The following NRIP1 variants were observed in gnomAD, a reference collection of about 807,000 sequenced individuals.
NRIP1 encodes nuclear receptor-interacting protein 1.
A neutral mutation model predicts 75.0 loss-of-function variants in NRIP1; 28 were observed. The observed-to-expected ratio is 0.37, with a 90% CI of 0.28 to 0.51. NRIP1 has a LOEUF of 0.51. Ranked by LOEUF, NRIP1 falls within the 20% of genes least tolerant of loss-of-function variation. NRIP1 has a pLI of 0.92. For missense variants in NRIP1, 1,435 were observed against 1,343.7 expected (o/e 1.07, Z -1.06); for synonymous variants, 526 against 487.6 (o/e 1.08, Z -1.04).
At position 15,046,931 on chromosome 21, in the gene NRIP1, G is replaced by C. The variant is rs113674710; in HGVS notation, c.-537-3357C>G. 3.6e-3 allele frequency among the ~76,000 whole-genome samples: 545 copies of C among 152,306 alleles called. 5 individuals are homozygous for C. Among genetic ancestry groups the C allele is most frequent in the African/African-American group, 0.013 (522 of 41,572 alleles). On this transcript the variant is annotated intron_variant, in intron 1 of 3. Transcript: ENST00000318948. ...TCTCCTCTCGGCCTTTGTGGAATTA[G>C]AGTGAGGCGCTGCTCTGGATTAGGT...
chr21:14,995,702 G>C (rs1232063946), intron 3 of NRIP1, among the ~76,000 whole-genome samples: 1 of 152,154 alleles, frequency 6.6e-6, no homozygotes, highest in Non-Finnish European at 1.5e-5. Context: ...CTGGTGATTA[G>C]AGAGACTATT....
chr21:15,000,982 T>A (rs895268090), intron 3 of NRIP1, among the ~76,000 whole-genome samples: 4 of 152,172 alleles, frequency 2.6e-5, no homozygotes, highest in African/African-American at 9.7e-5. Context: ...GCTTCTTCAC[T>A]TGGTCATTTT....
intron 1 of NRIP1, among the ~76,000 whole-genome samples, chr21:15,044,244 T>C (rs182515071): frequency 5.1e-4 from 78 of 151,674 alleles, no homozygotes; most frequent in African/African-American, 1.8e-3. Context: ...TAGAATTATT[T>C]AACAGTCATT....
chr21:14,993,812 C>T (rs533904390), intron 3 of NRIP1, among the ~76,000 whole-genome samples: 8 of 151,894 alleles, frequency 5.3e-5, no homozygotes, highest in African/African-American at 1.5e-4. Flanking sequence ...GTATATACAA[C>T]GTCCAATCCA....
chr21:14,968,711 T>C (rs950706202), intron 3 of NRIP1, among the ~76,000 whole-genome samples, 185 bp from the exon 4 acceptor site: 2 of 152,194 alleles, frequency 1.3e-5, no homozygotes, highest in African/African-American at 4.8e-5. Flanking sequence ...ATTGAAAATG[T>C]CTACTGGAAA....
chr21:14,988,497 A>ATGTG (rs1370123141), intron 3 of NRIP1, among the ~76,000 whole-genome samples: 90 of 141,870 alleles, frequency 6.3e-4, no homozygotes, highest in East Asian at 3.9e-3. Context: ...TAGTATATAT[A>ATGTG]TATGTGTGTG....
Position 15,057,893 on chromosome 21 carries a change from A to C in NRIP1, c.-538+6852T>G, listed in dbSNP as rs188185891. 1.6e-4 allele frequency among the ~76,000 whole-genome samples: 25 copies of C among 152,310 alleles called. No homozygotes were observed. The East Asian group carries it at 3.9e-3, about 24-fold the overall frequency. ...ATGTCTGGCACAAAACGGTTGCCCC[A>C]AAAAGTTCAATACTCTTCCTTTCCC... is the stretch of plus-strand genomic sequence containing the variant. On this transcript the variant is annotated intron_variant, in intron 1 of 3. Coordinates refer to ENST00000318948, the MANE Select transcript of NRIP1 (RefSeq NM_003489.4).
chr21:14,993,909 T>C (rs1243932771), intron 3 of NRIP1, among the ~76,000 whole-genome samples: 2 of 152,258 alleles, frequency 1.3e-5, no homozygotes, highest in Non-Finnish European at 2.9e-5. Flanking sequence ...TACTCAAGTA[T>C]CTTGAACAAT....
intron 2 of NRIP1, among the ~76,000 whole-genome samples, chr21:15,032,354 T>C (rs551190633): frequency 6.6e-6 from 1 of 152,176 alleles, no homozygotes; most frequent in Non-Finnish European, 1.5e-5. Context: ...GTAGACAAAA[T>C]AGAAGATATT....
intron 2 of NRIP1, among the ~76,000 whole-genome samples, chr21:15,015,639 A>C (rs1268980778): frequency 6.6e-6 from 1 of 152,168 alleles, no homozygotes; most frequent in Non-Finnish European, 1.5e-5. Context: ...ACATCATGGA[A>C]TATTATGTAG....
chr21:15,026,840 G>A (rs1380533669), intron 2 of NRIP1, among the ~76,000 whole-genome samples: 1 of 151,934 alleles, frequency 6.6e-6, no homozygotes. Flanking sequence ...ACCAATATAA[G>A]TTGAAAAAAC....
At chr21:15,041,516 T>C (rs2088953924) in intron 2 of NRIP1, among the ~76,000 whole-genome samples, 1 of 152,206 alleles carries the variant, frequency 6.6e-6, no homozygotes, top group South Asian at 2.1e-4. Context: ...AAGGACCTTA[T>C]GCATTATGAT....
intron 3 of NRIP1, among the ~76,000 whole-genome samples, chr21:15,006,878 TA>T (rs1428428126): frequency 6.6e-6 from 1 of 152,182 alleles, no homozygotes; most frequent in African/African-American, 2.4e-5. Flanking sequence ...CTGAAATATG[TA>T]AAAAGTGCTC....
chr21:15,007,232 T>C (rs2087994233), intron 3 of NRIP1, among the ~76,000 whole-genome samples: 1 of 152,166 alleles, frequency 6.6e-6, no homozygotes, highest in Non-Finnish European at 1.5e-5. Context: ...TGGGAGTTGT[T>C]GATAGCTTGG....
At chr21:15,001,280 G>A (rs2087843178) in intron 3 of NRIP1, among the ~76,000 whole-genome samples, 1 of 152,064 alleles carries the variant, frequency 6.6e-6, no homozygotes, top group Non-Finnish European at 1.5e-5. Context: ...GATCAGGATG[G>A]GGACAGAAGA....
At chr21:15,023,150 G>A (rs996870566) in intron 2 of NRIP1, among the ~76,000 whole-genome samples, 8 of 152,144 alleles carry the variant, frequency 5.3e-5, no homozygotes, top group African/African-American at 1.9e-4. Flanking sequence ...TGTGGTGTTG[G>A]TTACACACCT....
In NRIP1 at chr21:15,018,027, T is replaced by G. The variant is rs77886025; in HGVS notation, c.-457-3561A>C. Among the ~76,000 whole-genome samples the G allele has an allele frequency of 0.015, 2,303 of 152,252 alleles. 206 individuals are homozygous for G. In the East Asian group the frequency reaches 0.26, roughly 17 times the overall value. On this transcript the variant is annotated intron_variant, in intron 2 of 3. Transcript: ENST00000318948. ...CTTAAAGTTTTCCTATATTAATAAGTGAGTAAATTAGCCTTCAGTTCAAGT... is the reference window on the plus strand; with the variant it reads ...CTTAAAGTTTTCCTATATTAATAAGGGAGTAAATTAGCCTTCAGTTCAAGT...
intron 3 of NRIP1, among the ~76,000 whole-genome samples, chr21:14,980,984 C>G (rs780328550): frequency 2.6e-5 from 4 of 152,120 alleles, no homozygotes; most frequent in Non-Finnish European, 5.9e-5. Flanking sequence ...ACAAAGATAT[C>G]TAGATAGAAG....
intron 2 of NRIP1, among the ~76,000 whole-genome samples, chr21:15,041,569 T>C (rs2088955458): frequency 6.6e-6 from 1 of 152,198 alleles, no homozygotes. Flanking sequence ...CTATCTTGAA[T>C]ATACATGGGA....
Sources: allele counts gnomAD v4.1 joint callset (sites outside exome capture counted in the v4.1 genomes callset), GRCh38; gene constraint gnomAD v4.1.1; transcripts MANE v1.5; gene names NCBI Gene and HGNC (gene_info 2026-07-23, HGNC 2026-07-21).